TBC1D8B: variants seen among roughly 807,000 people sequenced by gnomAD.
TBC1D8B encodes the protein RP11-321G1.1.
A neutral mutation model predicts 82.9 loss-of-function variants in TBC1D8B; 75 were observed. That is an observed-to-expected ratio of 0.90 (90% CI 0.75 to 1.10). The LOEUF (loss-of-function observed/expected upper bound fraction) is 1.10, where lower values mean the gene tolerates loss of function less well. TBC1D8B is among the 50% of genes least tolerant of loss of function. TBC1D8B has a pLI of 0.00. For missense variants in TBC1D8B, 794 were observed against 796.9 expected (o/e 1.00, Z 0.04); for synonymous variants, 276 against 276.8 (o/e 1.00, Z 0.03).
intron 12 of TBC1D8B, 39 bp downstream of exon 12, chrX:106,850,349 T>A: frequency 8.9e-7 from 1 of 1,121,221 alleles, no homozygotes; most frequent in Non-Finnish European, 1.2e-6. Context: ...TGGAGGAGAT[T>A]TGAGAGATGA....
chrX:106,853,446 A>G lies in TBC1D8B; in HGVS notation c.2124-75A>G. On this transcript the variant is annotated intron_variant, in intron 12 of 20. Transcript: ENST00000357242. ...GAAAGTAACCTCTAACTAACTAGGGAGAAATTATGTGTCATTTCTCTGCTT... is the reference window on the plus strand; with the variant it reads ...GAAAGTAACCTCTAACTAACTAGGGGGAAATTATGTGTCATTTCTCTGCTT... 3.8e-6 allele frequency: 4 copies of G among 1,050,782 alleles called. No homozygotes were observed. In the South Asian group the frequency reaches 8.3e-5, roughly 22 times the overall value. The allele number at this position is 1,050,782 out of a possible 1,213,427, so 86.6% of individuals were successfully genotyped here. A position where few individuals can be genotyped will look rare whatever the true frequency, so the allele number is the denominator to read the frequency against.
chrX:106,865,044 T>C (rs754562173), intron 14 of TBC1D8B, among the ~76,000 whole-genome samples: 170 of 112,104 alleles, frequency 1.5e-3, no homozygotes, highest in Middle Eastern at 9.2e-3. Context: ...TTCTTAGATA[T>C]CATAATGATT....
Position 106,826,073 on chromosome X carries a change from T to A in TBC1D8B, c.871T>A (p.Phe291Ile), listed in dbSNP as rs1931833852. ...RAHSEQFNAF[F>I]RLPKGESLKE... is the part of the protein sequence containing the mutation. The stretch of plus-strand genomic sequence containing the variant: ...CCACAGTGAGCAATTTAATGCCTTT[T>A]TTAGGCTGCCCAAAGGAGAGAGTTT... The change falls in exon 6 of 21, where the codon TTT (phenylalanine) becomes ATT (isoleucine). Residue 291 changes from phenylalanine (F) to isoleucine (I), a missense_variant. Physicochemically the swap from Phe to Ile is conservative, Grantham distance 21 (BLOSUM62 0). Coordinates refer to ENST00000357242, the MANE Select transcript of TBC1D8B (RefSeq NM_017752.3). 8.3e-7 allele frequency: 1 copy of A among 1,209,124 alleles called. No homozygotes were observed. Among genetic ancestry groups the A allele is most frequent in the Non-Finnish European group, 1.1e-6 (1 of 894,785 alleles).
intron 1 of TBC1D8B, chrX:106,814,319 C>T (rs777640040): frequency 9.4e-6 from 1 of 106,192 alleles, no homozygotes; most frequent in Non-Finnish European, 1.9e-5. Context: ...AATAAACATA[C>T]GTGTGCATGT....
chrX:106,839,100 G>A (rs749290995), intron 7 of TBC1D8B, among the ~76,000 whole-genome samples: 46 of 111,746 alleles, frequency 4.1e-4, no homozygotes, highest in Non-Finnish European at 7.7e-4. Flanking sequence ...CTTTTGTTGG[G>A]GAGTGTGTTC....
In TBC1D8B at chrX:106,843,387, C is replaced by T. The variant is rs768715166; in HGVS notation, c.1719+2503C>T. Among the ~76,000 whole-genome samples the T allele has an allele frequency of 1.0e-3, 116 of 111,596 alleles. 2 individuals are homozygous for T. The highest frequency in any genetic ancestry group is 3.6e-3 in the African/African-American group (112 of 30,861). On this transcript the variant is annotated intron_variant, in intron 10 of 20. Transcript: ENST00000357242. Reference sequence around the variant, plus strand: ...CCAAATCTCCCCTTCATTGTATGTACAAGGATTCTAATTTCTGCACATCCT... The same window carrying T: ...CCAAATCTCCCCTTCATTGTATGTATAAGGATTCTAATTTCTGCACATCCT...
chrX:106,849,860 A>G (rs1932550390), intron 11 of TBC1D8B, 165 bp from the exon 12 acceptor site: 1 of 1,047,701 alleles, frequency 9.5e-7, no homozygotes. Flanking sequence ...GAAGTACATG[A>G]CACTACTAGC....
chrX:106,849,466 G>A (rs1932541195), intron 11 of TBC1D8B: 1 of 1,029,899 alleles, frequency 9.7e-7, no homozygotes, highest in Non-Finnish European at 1.2e-6. Flanking sequence ...TGCCTTATTG[G>A]GCAAAGCAGA....
At position 106,865,836 on chromosome X, in the gene TBC1D8B, T is replaced by A; in HGVS notation, c.2465T>A (p.Val822Glu). Residue 822 changes from valine to glutamate, a missense_variant, in exon 16 of 21, where the codon GTA becomes GAA. Transcript: ENST00000357242. ...LSCYWCLGCP[V>E]LKHHDPSLPY... ...TGTTATTGGTGTTTGGGTTGCCCAG[T>A]ATTGAAGCATCATGACCCCAGTCTG... The A allele has an allele frequency of 8.3e-7, 1 of 1,210,107 alleles. No individual in the cohort carries two copies. The highest frequency in any genetic ancestry group is 1.1e-6 in the Non-Finnish European group (1 of 894,140).
At chrX:106,804,239 G>T (rs5962753) in intron 1 of TBC1D8B, among the ~76,000 whole-genome samples, 6,551 of 111,308 alleles carry the variant, frequency 0.059, 507 homozygotes, top group African/African-American at 0.2. Flanking sequence ...AAAGATAATA[G>T]CACCAAATCA....
chrX:106,845,456 C>G (rs757926495), intron 10 of TBC1D8B, among the ~76,000 whole-genome samples: 1 of 79,441 alleles, frequency 1.3e-5, no homozygotes, highest in East Asian at 5.0e-4. Flanking sequence ...CCCCTCCCCC[C>G]ACCCCACAAC....
chrX:106,847,059 T>C (rs892636848), intron 10 of TBC1D8B, among the ~76,000 whole-genome samples: 2 of 112,095 alleles, frequency 1.8e-5, no homozygotes, highest in African/African-American at 6.5e-5. Context: ...TAATATGAAG[T>C]CTTTTAAAAA....
At chrX:106,814,192 AT>A (rs931158141) in intron 1 of TBC1D8B, 1 of 111,415 alleles carries the variant, frequency 9.0e-6, no homozygotes, top group East Asian at 2.8e-4. Flanking sequence ...TGAACTCATC[AT>A]TTTTTATGGC....
intron 14 of TBC1D8B, among the ~76,000 whole-genome samples, chrX:106,863,131 T>G (rs1359073278): frequency 8.9e-6 from 1 of 112,216 alleles, no homozygotes; most frequent in African/African-American, 3.2e-5. Context: ...AGCATACACA[T>G]GCATTGGCTC....
chrX:106,847,312 A>G (rs752206717), intron 10 of TBC1D8B, among the ~76,000 whole-genome samples: 1 of 111,799 alleles, frequency 8.9e-6, no homozygotes, highest in South Asian at 3.7e-4. Flanking sequence ...GAATATTACT[A>G]TATAGTGCTA....
chrX:106,853,532 A>G lies in TBC1D8B; in HGVS notation c.2135A>G (p.Asn712Ser), dbSNP rs149271926. ...TCACTTTTCAATAGGTTCTTTGACAATGTCACTAATAAGGATAGTCCATTG... is the reference window on the plus strand; with the variant it reads ...TCACTTTTCAATAGGTTCTTTGACAGTGTCACTAATAAGGATAGTCCATTG... ...AVTALNRFFD[N>S]VTNKDSPLPS... Residue 712 changes from asparagine to serine, a missense_variant, in exon 13 of 21, where the codon AAT becomes AGT. Coordinates refer to ENST00000357242, the MANE Select transcript of TBC1D8B (RefSeq NM_017752.3). The G allele has an allele frequency of 7.5e-6, 9 of 1,206,080 alleles. No individual in the cohort carries two copies. The highest frequency in any genetic ancestry group is 3.5e-5 in the African/African-American group (2 of 57,191).
At chrX:106,830,762 A>G (rs1390110515) in intron 7 of TBC1D8B, among the ~76,000 whole-genome samples, 1 of 85,877 alleles carries the variant, frequency 1.2e-5, no homozygotes, top group Non-Finnish European at 2.1e-5. Flanking sequence ...ACATGGACAC[A>G]GGAAGGGGAA....
intron 14 of TBC1D8B, among the ~76,000 whole-genome samples, chrX:106,862,776 GTTTTTTTTTTT>G (rs1181091591): frequency 1.9e-4 from 7 of 37,295 alleles, no homozygotes; most frequent in African/African-American, 7.2e-4. Context: ...GTTTTTTTTT[GTTTTTTTTTTT>G]TTTTTTTTTT....
rs150073775 is a variant in TBC1D8B, at chrX:106,850,032, G to C, written c.1845G>C (p.Leu615Phe). 9.2e-5 allele frequency: 110 copies of C among 1,189,638 alleles called. 1 individual carries two copies. In the African/African-American group the frequency reaches 1.8e-3, roughly 19 times the overall value. The stretch of plus-strand genomic sequence containing the variant: ...TCTTTTGATATTCTGTAGGTGCCTT[G>C]GTGGATCAGGCAGTCTTTGAAGAAC... Reference protein sequence around the residue: ...DYFNRRIIGALVDQAVFEELI... With the variant: ...DYFNRRIIGAFVDQAVFEELI... The change falls in exon 12 of 21, where the codon TTG becomes TTC. Residue 615 changes from leucine to phenylalanine, a missense_variant. Physicochemically the swap from Leu to Phe is conservative, Grantham distance 22. Coordinates refer to ENST00000357242, the MANE Select transcript of TBC1D8B (RefSeq NM_017752.3).
Sources: allele counts gnomAD v4.1 joint callset (sites outside exome capture counted in the v4.1 genomes callset), GRCh38; gene constraint gnomAD v4.1.1; transcripts MANE v1.5; gene names NCBI Gene and HGNC (gene_info 2026-07-23, HGNC 2026-07-21).